The following PLEKHD1 variants were observed in gnomAD, a reference collection of about 807,000 sequenced individuals.
The protein encoded by PLEKHD1 is pleckstrin homology domain-containing family D member 1.
Under a neutral mutation model 69.2 loss-of-function variants are expected in PLEKHD1, and 51 were observed. The observed-to-expected ratio is 0.74, with a 90% confidence interval of 0.59 to 0.93. The LOEUF (loss-of-function observed/expected upper bound fraction) is 0.93, where lower values mean the gene tolerates loss of function less well. PLEKHD1 is among the 40% of genes least tolerant of loss of function. The pLI is 0.00. For missense variants in PLEKHD1, 584 were observed against 641.0 expected (o/e 0.91, Z 0.96); for synonymous variants, 236 against 244.7 (o/e 0.96, Z 0.33).
chr14:69,528,163 T>C (rs954856547), intron 12 of PLEKHD1, 87 bp from the exon 13 acceptor site: 12 of 1,484,006 alleles, frequency 8.1e-6, no homozygotes, highest in Middle Eastern at 4.0e-4. Context: ...CATAAAGGAG[T>C]GAGGGGGTGG....
Position 69,531,508 on chromosome 14 carries a change from A to C in PLEKHD1, c.*3089A>C, listed in dbSNP as rs1388930295. 6.6e-6 allele frequency: 1 copy of C among 152,068 alleles called. No homozygotes were observed. The allele number at this position is 152,068 out of a possible 1,614,324, so 9.4% of individuals were successfully genotyped here. A position where few individuals can be genotyped will look rare whatever the true frequency, so the allele number is the denominator to read the frequency against. On this transcript the variant is annotated 3_prime_UTR_variant, in exon 13 of 13. Coordinates refer to ENST00000322564, the MANE Select transcript of PLEKHD1 (RefSeq NM_001161498.2). ...AATTTTTTTAATTTTTAAAAACAAA[A>C]CTCTTATTCCTTGGCCAATTAAATG...
At chr14:69,491,375 C>T (rs919051222) in intron 1 of PLEKHD1, among the ~76,000 whole-genome samples, 1 of 152,184 alleles carries the variant, frequency 6.6e-6, no homozygotes, top group East Asian at 1.9e-4. Flanking sequence ...CACCCCACCT[C>T]GCTGTCACCA....
intron 6 of PLEKHD1, among the ~76,000 whole-genome samples, chr14:69,510,055 T>C (rs756926516): frequency 1.3e-5 from 2 of 152,234 alleles, no homozygotes; most frequent in African/African-American, 2.4e-5. Flanking sequence ...GTTCTATTTA[T>C]ATATTTGTTT....
At chr14:69,468,134 CT>C in the PLEKHD1 span, among the ~76,000 whole-genome samples, 1 of 152,228 alleles carries the variant, frequency 6.6e-6, no homozygotes, top group East Asian at 1.9e-4. Flanking sequence ...TTTGGGAGGA[CT>C]TGTGGAGTTA....
chr14:69,503,649 C>G (rs1380173164), intron 6 of PLEKHD1: 1 of 146,344 alleles, frequency 6.8e-6, no homozygotes, highest in East Asian at 2.0e-4. Flanking sequence ...CGAGATCGCG[C>G]CACTGCACTC....
At chr14:69,503,037 G>A (rs947802228) in intron 6 of PLEKHD1, 158 bp downstream of exon 6, 11 of 773,250 alleles carry the variant, frequency 1.4e-5, no homozygotes, top group African/African-American at 1.4e-4. Context: ...GCTTGCTTGG[G>A]ACTTGCTGTA....
chr14:69,500,246 C>A, intron 2 of PLEKHD1, 38 bp downstream of exon 2: 1 of 1,438,812 alleles, frequency 7.0e-7, no homozygotes, highest in Non-Finnish European at 9.6e-7. Context: ...CAGGGGAGGG[C>A]CCAGTGCGGG....
At chr14:69,480,644 G>A (rs1045805049), upstream of PLEKHD1, among the ~76,000 whole-genome samples, 1 of 150,022 alleles carries the variant, frequency 6.7e-6, no homozygotes, top group Admixed American at 6.7e-5. Flanking sequence ...ATACCCTTGT[G>A]TATAAGATTT....
chr14:69,522,447 A>T, intron 7 of PLEKHD1, 70 bp downstream of exon 7: 1 of 1,479,246 alleles, frequency 6.8e-7, no homozygotes, highest in Non-Finnish European at 9.2e-7. Flanking sequence ...TCCCCGTCAG[A>T]TCTGAGGAGG....
chr14:69,485,384 G>C (rs1300205834), intron 1 of PLEKHD1, among the ~76,000 whole-genome samples: 3 of 152,244 alleles, frequency 2.0e-5, no homozygotes, highest in Non-Finnish European at 4.4e-5. Context: ...GGGCAGAAGA[G>C]ACCGTGGTCG....
rs999892481 is a variant in PLEKHD1 at position 69,500,954 on chromosome 14, G to C, written c.410+7G>C. The C allele has an allele frequency of 8.4e-6, 13 of 1,551,274 alleles. No homozygotes were observed. Among genetic ancestry groups the C allele is most frequent in the Non-Finnish European group, 1.0e-5 (12 of 1,146,962 alleles). On this transcript the variant is annotated splice_region_variant and intron_variant, in intron 4 of 12. Transcript: ENST00000322564. The stretch of plus-strand genomic sequence containing the variant: ...TGCAGGAGTCTGGGAAGGTGTAAGT[G>C]CTCACAGCCAGGAGGGCAGCCTGCA...
At position 69,498,057 on chromosome 14, in the gene PLEKHD1, A is replaced by ATTTATTTTATTTTATTTTATTTTAT. The variant is rs778122389; in HGVS notation, c.150-2033_150-2009dup. 5.5e-4 allele frequency among the ~76,000 whole-genome samples: 68 copies of ATTTATTTTATTTTATTTTATTTTAT among 124,692 alleles called. 2 individuals are homozygous for ATTTATTTTATTTTATTTTATTTTAT. The highest frequency in any genetic ancestry group is 4.0e-3 in the East Asian group (18 of 4,464). The allele number at this position is 124,692 out of a possible 152,430, so 81.8% of individuals were successfully genotyped here. On this transcript the variant is annotated intron_variant, in intron 1 of 12. Coordinates refer to ENST00000322564, the MANE Select transcript of PLEKHD1 (RefSeq NM_001161498.2). ...GTTTTATTTTATTTTATTTTATTTT[A>ATTTATTTTATTTTATTTTATTTTAT]TTTATTTTATTTTATTTTATTTTAT... is the stretch of plus-strand genomic sequence containing the variant.
At chr14:69,498,016 G>C (rs988395931) in intron 1 of PLEKHD1, among the ~76,000 whole-genome samples, 3 of 144,622 alleles carry the variant, frequency 2.1e-5, no homozygotes, top group African/African-American at 7.6e-5. Context: ...GCAAGACCCT[G>C]TTTCTATTTT....
rs907275788 is a variant in PLEKHD1, at chr14:69,524,415, G to T, written c.744+93G>T. On this transcript the variant is annotated intron_variant, in intron 8 of 12. Transcript: ENST00000322564. ...TTTTCCAGCAGTGTTTCCCCAGGGG[G>T]TGATCTGTAAGAGAAATGGGCATGG... 1.1e-5 allele frequency: 12 copies of T among 1,106,904 alleles called. No individual in the cohort carries two copies. In the African/African-American group the frequency reaches 1.2e-4, roughly 11 times the overall value. 68.6% of individuals were successfully genotyped at this position (1,106,904 alleles called of 1,614,324 possible). A position where few individuals can be genotyped will look rare whatever the true frequency, so the allele number is the denominator to read the frequency against.
At chr14:69,510,026 T>C (rs1883236695) in intron 6 of PLEKHD1, among the ~76,000 whole-genome samples, 1 of 152,224 alleles carries the variant, frequency 6.6e-6, no homozygotes, top group South Asian at 2.1e-4. Flanking sequence ...TGTTAGTATG[T>C]TTCCGAGCTC....
intron 1 of PLEKHD1, among the ~76,000 whole-genome samples, chr14:69,494,022 C>T (rs1882833178): frequency 6.6e-6 from 1 of 152,110 alleles, no homozygotes; most frequent in Non-Finnish European, 1.5e-5. Flanking sequence ...CCAAGAGCTC[C>T]CTCCAGTAGC....
chr14:69,507,257 G>A (rs977110579), intron 6 of PLEKHD1, among the ~76,000 whole-genome samples: 16 of 152,120 alleles, frequency 1.1e-4, no homozygotes, highest in African/African-American at 3.4e-4. Flanking sequence ...GGAGTCATAT[G>A]GTATGTAGCT....
intron 6 of PLEKHD1, among the ~76,000 whole-genome samples, chr14:69,511,699 G>A (rs760667480): frequency 2.0e-5 from 3 of 151,906 alleles, no homozygotes; most frequent in South Asian, 2.1e-4. Flanking sequence ...ACAGGTGTGC[G>A]CCACCATACC....
intron 1 of PLEKHD1, 85 bp from the exon 2 acceptor site, chr14:69,500,030 A>G: frequency 2.2e-6 from 2 of 908,512 alleles, no homozygotes; most frequent in Non-Finnish European, 1.7e-6. Context: ...ATGTGAGTCC[A>G]GGGCCCCCAA....
Sources: allele counts gnomAD v4.1 joint callset (sites outside exome capture counted in the v4.1 genomes callset), GRCh38; gene constraint gnomAD v4.1.1; transcripts MANE v1.5; gene names NCBI Gene and HGNC (gene_info 2026-07-23, HGNC 2026-07-21).